TMEM268: variants seen among roughly 807,000 people sequenced by gnomAD.
TMEM268 encodes transmembrane protein 268.
TMEM268 carries 24 observed loss-of-function variants against 39.1 expected under a neutral mutation model. The observed-to-expected ratio is 0.61, with a 90% CI of 0.44 to 0.86. TMEM268 has a LOEUF of 0.86. Among genes scored for constraint, TMEM268 ranks in the 40% least tolerant of loss-of-function variants. TMEM268 has a pLI of 0.00. For synonymous variants in TMEM268, 176 were observed against 173.5 expected, an observed-to-expected ratio of 1.01 and a Z score of -0.12; for missense variants, 409 against 428.6, an observed-to-expected ratio of 0.95 and a Z score of 0.40.
intron 5 of TMEM268, among the ~76,000 whole-genome samples, chr9:114,630,262 T>A (rs1403830205): frequency 1.6e-5 from 2 of 127,060 alleles, no homozygotes; most frequent in Non-Finnish European, 3.4e-5. Flanking sequence ...GAATTTACTG[T>A]TCCAACAATA....
intron 3 of TMEM268, 133 bp downstream of exon 3, chr9:114,624,592 A>G (rs958211524): frequency 3.7e-6 from 5 of 1,365,628 alleles, no homozygotes; most frequent in Non-Finnish European, 4.8e-6. Context: ...TAAGGAAGGT[A>G]TATTAGAAGT....
At chr9:114,641,959 GA>G (rs908701848) in intron 8 of TMEM268, among the ~76,000 whole-genome samples, 18 of 145,072 alleles carry the variant, frequency 1.2e-4, no homozygotes, top group South Asian at 4.4e-4. Context: ...CTTTAAAAAA[GA>G]AAAAAAAAAG....
intron 8 of TMEM268, among the ~76,000 whole-genome samples, chr9:114,641,897 C>T (rs1482574933): frequency 1.3e-5 from 2 of 151,878 alleles, no homozygotes; most frequent in Non-Finnish European, 2.9e-5. Flanking sequence ...GCCTTGGCCT[C>T]TCAAAGTGCT....
intron 7 of TMEM268, 96 bp from the exon 8 acceptor site, chr9:114,638,448 C>G: frequency 4.5e-6 from 4 of 894,902 alleles, no homozygotes; most frequent in Non-Finnish European, 6.6e-6. Flanking sequence ...TCTGAGACCT[C>G]ATCTTCTGCT....
At chr9:114,643,036 A>G (rs909660147) in intron 8 of TMEM268, 98 bp from the exon 9 acceptor site, 10 of 1,283,230 alleles carry the variant, frequency 7.8e-6, no homozygotes, top group East Asian at 6.9e-5. Context: ...TGCTGGGTCC[A>G]GGGGCAAGAA....
intron 6 of TMEM268, among the ~76,000 whole-genome samples, 172 bp downstream of exon 6, chr9:114,634,050 A>T (rs1247194909): frequency 6.6e-6 from 1 of 152,044 alleles, no homozygotes; most frequent in Non-Finnish European, 1.5e-5. Context: ...TCCTCAAGAC[A>T]CCTTCTCTGT....
Position 114,644,291 on chromosome 9 carries a change from ACC to A in TMEM268, c.*981_*982del, listed in dbSNP as rs1827482238. 1 of 152,150 alleles carries A rather than the reference ACC, an allele frequency of 6.6e-6. No homozygotes were observed. The highest frequency in any genetic ancestry group is 2.4e-5 in the African/African-American group (1 of 41,370). 9.4% of individuals were successfully genotyped at this position (152,150 alleles called of 1,614,324 possible). A position where few individuals can be genotyped will look rare whatever the true frequency, so the allele number is the denominator to read the frequency against. ...CGATTTTGGCTTCATCTCCCACAAAACCCCTTTATGAGTTCACGCTCTTTCCT... is the reference window on the plus strand; with the variant it reads ...CGATTTTGGCTTCATCTCCCACAAAACCTTTATGAGTTCACGCTCTTTCCT... On this transcript the variant is annotated 3_prime_UTR_variant, in exon 9 of 9. Transcript: ENST00000288502.
In TMEM268 at chr9:114,643,519, C is replaced by A. The variant is rs958249927; in HGVS notation, c.*206C>A. ...TTGTTTGACATCTCATGCTGACCCCCTGGCCTTTGCAGAAGCTGATGGTTA... is the reference window on the plus strand; with the variant it reads ...TTGTTTGACATCTCATGCTGACCCCATGGCCTTTGCAGAAGCTGATGGTTA... On this transcript the variant is annotated 3_prime_UTR_variant, in exon 9 of 9. Transcript: ENST00000288502. The A allele has an allele frequency of 1.7e-6, 1 of 572,636 alleles. No individual in the cohort carries two copies. Among genetic ancestry groups the A allele is most frequent in the Non-Finnish European group, 3.1e-6 (1 of 320,916 alleles). The allele number at this position is 572,636 out of a possible 1,614,324, so 35.5% of individuals were successfully genotyped here. A position where few individuals can be genotyped will look rare whatever the true frequency, so the allele number is the denominator to read the frequency against.
At chr9:114,604,014 C>CTT in the TMEM268 span, among the ~76,000 whole-genome samples, 15 of 144,252 alleles carry the variant, frequency 1.0e-4, no homozygotes, top group Non-Finnish European at 1.5e-4. Flanking sequence ...TAATTTAATT[C>CTT]TTTTTTTTTT....
upstream of TMEM268, among the ~76,000 whole-genome samples, chr9:114,610,284 C>T (rs1412648118): frequency 6.6e-6 from 1 of 152,324 alleles, no homozygotes; most frequent in East Asian, 1.9e-4. Flanking sequence ...GGTAATCCTC[C>T]CGCCTCGGCC....
chr9:114,615,982 G>A (rs1178572287), intron 1 of TMEM268, among the ~76,000 whole-genome samples: 1 of 149,946 alleles, frequency 6.7e-6, no homozygotes, highest in African/African-American at 2.5e-5. Context: ...ATGAGCCACC[G>A]TGCTCGGCCT....
intron 6 of TMEM268, among the ~76,000 whole-genome samples, chr9:114,634,693 G>C (rs1003423563): frequency 6.6e-6 from 1 of 152,192 alleles, no homozygotes; most frequent in Non-Finnish European, 1.5e-5. Flanking sequence ...CGGGGGACCT[G>C]GGAAGAGGCT....
At chr9:114,620,518 G>T (rs1034374639) in intron 2 of TMEM268, among the ~76,000 whole-genome samples, 14 of 152,046 alleles carry the variant, frequency 9.2e-5, no homozygotes, top group African/African-American at 3.4e-4. Context: ...CAAAGTGCTG[G>T]GACTGCAGGC....
intron 3 of TMEM268, 90 bp from the exon 4 acceptor site, chr9:114,626,809 G>C: frequency 1.1e-6 from 1 of 924,208 alleles, no homozygotes; most frequent in South Asian, 1.5e-5. Flanking sequence ...AGCCCAGAAT[G>C]TGCCTAATCC....
chr9:114,614,146 G>A (rs937358751), intron 1 of TMEM268, among the ~76,000 whole-genome samples: 5 of 152,242 alleles, frequency 3.3e-5, no homozygotes, highest in African/African-American at 1.2e-4. Context: ...ATGTCAAAGA[G>A]CATGTATGTG....
At chr9:114,619,747 G>T (rs570428018) in intron 2 of TMEM268, among the ~76,000 whole-genome samples, 1 of 152,252 alleles carries the variant, frequency 6.6e-6, no homozygotes, top group African/African-American at 2.4e-5. Flanking sequence ...TCTTTTCCAT[G>T]CTGATGGTAC....
At chr9:114,606,847 A>T (rs1221624338), upstream of TMEM268, among the ~76,000 whole-genome samples, 2 of 140,924 alleles carry the variant, frequency 1.4e-5, no homozygotes, top group Non-Finnish European at 3.1e-5. Flanking sequence ...TAACTGGCAC[A>T]TGAGCTCCAA....
chr9:114,629,727 T>A (rs1415160442), intron 5 of TMEM268, among the ~76,000 whole-genome samples: 7 of 152,222 alleles, frequency 4.6e-5, no homozygotes, highest in Non-Finnish European at 1.0e-4. Context: ...TGCTGGACTC[T>A]GATCTTGCCT....
At chr9:114,631,578 C>G (rs1300291208) in intron 5 of TMEM268, among the ~76,000 whole-genome samples, 3 of 152,080 alleles carry the variant, frequency 2.0e-5, no homozygotes, top group Non-Finnish European at 4.4e-5. Context: ...GAGATGGAGG[C>G]ACAGAGATGT....
Sources: allele counts gnomAD v4.1 joint callset (sites outside exome capture counted in the v4.1 genomes callset), GRCh38; gene constraint gnomAD v4.1.1; transcripts MANE v1.5; gene names NCBI Gene and HGNC (gene_info 2026-07-23, HGNC 2026-07-21).